PRRC2B: variants seen among roughly 807,000 people sequenced by gnomAD.
PRRC2B encodes proline rich coiled-coil 2B.
PRRC2B carries 68 observed loss-of-function variants against 242.3 expected under a neutral mutation model. That is an observed-to-expected ratio of 0.28 (90% CI 0.23 to 0.34). PRRC2B has a LOEUF of 0.34. Among genes scored for constraint, PRRC2B ranks in the 10% least tolerant of loss-of-function variants. PRRC2B has a pLI of 1.00. For missense variants in PRRC2B, 2,835 were observed against 2,954.8 expected (o/e 0.96, Z 0.94); for synonymous variants, 1,228 against 1,173.6 (o/e 1.05, Z -0.95).
intron 1 of PRRC2B, among the ~76,000 whole-genome samples, chr9:131,409,734 G>A (rs891719886): frequency 1.3e-5 from 2 of 152,132 alleles, no homozygotes; most frequent in Admixed American, 6.5e-5. Context: ...TCCTGGTATT[G>A]GGCCCCAGTG....
In PRRC2B at chr9:131,447,682, T is replaced by C. The variant is rs1233314290; in HGVS notation, c.998T>C (p.Leu333Ser). The C allele has an allele frequency of 1.2e-6, 2 of 1,606,466 alleles. No homozygotes were observed. The highest frequency in any genetic ancestry group is 2.2e-5 in the East Asian group (1 of 44,700). Reference sequence around the variant, plus strand: ...ATCAGAAAAGAAAACAGGCTGGGATTGTCTCGCCCACTCCGCCCACTAAGG... The same window carrying C: ...ATCAGAAAAGAAAACAGGCTGGGATCGTCTCGCCCACTCCGCCCACTAAGG... ...DQDGKENRLG[L>S]SRPLRPLRQL... The change falls in exon 9 of 32, where the codon TTG becomes TCG. Residue 333 changes from leucine to serine, a missense_variant. Leu to Ser is a moderately radical substitution (Grantham distance 145). This residue lies in a region of PRRC2B where 626 missense variants were observed against 685.5 expected (regional missense o/e 0.91). Transcript: ENST00000683519.
intron 1 of PRRC2B, among the ~76,000 whole-genome samples, chr9:131,423,879 G>A (rs1837913028): frequency 6.6e-6 from 1 of 152,048 alleles, no homozygotes; most frequent in African/African-American, 2.4e-5. Context: ...TAGGAAAATA[G>A]GATCCAATCC....
chr9:131,373,858 GA>G (rs1225335352), intron 1 of PRRC2B: 1 of 152,294 alleles, frequency 6.6e-6, no homozygotes, highest in African/African-American at 2.4e-5. Context: ...AGGAGATCGA[GA>G]CCATCCTGGC....
At chr9:131,375,302 G>A (rs1836669915) in intron 1 of PRRC2B, among the ~76,000 whole-genome samples, 1 of 152,112 alleles carries the variant, frequency 6.6e-6, no homozygotes, top group Non-Finnish European at 1.5e-5. Context: ...GGGAGGCTAA[G>A]GCAGGAGAAT....
intron 6 of PRRC2B, among the ~76,000 whole-genome samples, chr9:131,445,615 G>T (rs1482143921): frequency 6.6e-6 from 1 of 152,194 alleles, no homozygotes; most frequent in East Asian, 1.9e-4. Context: ...ACAGAGGGGT[G>T]ACCTTGGCTT....
chr9:131,468,937 T>C lies in PRRC2B; in HGVS notation c.1911+1184T>C, dbSNP rs373745835. 2.2e-4 allele frequency among the ~76,000 whole-genome samples: 33 copies of C among 152,278 alleles called. No individual in the cohort carries two copies. The East Asian group carries it at 5.4e-3, about 25-fold the overall frequency. On this transcript the variant is annotated intron_variant, in intron 13 of 31. Transcript: ENST00000683519. ...TACTCATGTTCTTGGGGTATAGAAT[T>C]ACTGATGGGGGAGAGCTCTGGAATT...
Position 131,446,350 on chromosome 9 carries a change from C to G in PRRC2B, c.614-51C>G, listed in dbSNP as rs775165956. 3.1e-6 allele frequency: 5 copies of G among 1,603,668 alleles called. No homozygotes were observed. Among genetic ancestry groups the G allele is most frequent in the Non-Finnish European group, 4.3e-6 (5 of 1,174,824 alleles). ...TGACCTTCAGAACCTCATACGATCC[C>G]TCCTTCCCCCTCCTCTTCCCTCTCC... On this transcript the variant is annotated intron_variant, in intron 6 of 31. Coordinates refer to ENST00000683519, the MANE Select transcript of PRRC2B (RefSeq NM_013318.4). This position sits in a 1 kb window ranked among gnomAD's most constrained non-coding sequence, Gnocchi z 4.1.
chr9:131,467,462 G>A, intron 12 of PRRC2B, 101 bp from the exon 13 acceptor site: 1 of 1,029,458 alleles, frequency 9.7e-7, no homozygotes, highest in South Asian at 1.6e-5. Context: ...TCTAGCAGTG[G>A]AGCGTACGGG....
intron 1 of PRRC2B, among the ~76,000 whole-genome samples, chr9:131,394,914 G>A (rs900101189): frequency 6.6e-6 from 1 of 151,380 alleles, no homozygotes; most frequent in Non-Finnish European, 1.5e-5. Flanking sequence ...TGCTAAAAAT[G>A]TTTAATAATA....
chr9:131,483,240 T>C (rs916048803), intron 22 of PRRC2B, 119 bp from the exon 23 acceptor site: 14 of 960,788 alleles, frequency 1.5e-5, no homozygotes, highest in Non-Finnish European at 2.1e-5. Flanking sequence ...GTGGCTCCAG[T>C]GAATGCTGCT....
chr9:131,483,561 T>C, intron 23 of PRRC2B, 116 bp downstream of exon 23: 1 of 883,296 alleles, frequency 1.1e-6, no homozygotes, highest in Non-Finnish European at 1.9e-6. Context: ...ACTCAGTTGC[T>C]AGCAGCTCCA....
chr9:131,475,767 G>C lies in PRRC2B; in HGVS notation c.3638G>C (p.Gly1213Ala), dbSNP rs950020400. The stretch of plus-strand genomic sequence containing the variant: ...CTCCCTCCCCGGCTGAGCAATTGCG[G>C]GTATGGACGGAGAACCTTCGTCTCC... ...RALPPRLSNC[G>A]YGRRTFVSKE... The change falls in exon 16 of 32, where the codon GGG (glycine) becomes GCG (alanine). Residue 1213 changes from glycine to alanine, a missense_variant. By Grantham distance (60) the Gly-to-Ala change is moderately conservative. Coordinates refer to ENST00000683519, the MANE Select transcript of PRRC2B (RefSeq NM_013318.4). The C allele has an allele frequency of 1.4e-5, 22 of 1,613,476 alleles. No individual in the cohort carries two copies. The highest frequency in any genetic ancestry group is 1.4e-5 in the Non-Finnish European group (17 of 1,179,756).
At chr9:131,455,573 G>A (rs1276343049) in intron 10 of PRRC2B, among the ~76,000 whole-genome samples, 1 of 148,682 alleles carries the variant, frequency 6.7e-6, no homozygotes, top group Non-Finnish European at 1.5e-5. Flanking sequence ...CTGGAGTGCG[G>A]TGGCATGATG....
At chr9:131,408,284 C>T (rs556696530) in intron 1 of PRRC2B, among the ~76,000 whole-genome samples, 41 of 152,288 alleles carry the variant, frequency 2.7e-4, no homozygotes, top group African/African-American at 8.7e-4. Flanking sequence ...GAAAAATGTG[C>T]TTTGCAGAGA....
intron 1 of PRRC2B, among the ~76,000 whole-genome samples, chr9:131,400,709 G>C (rs1412567144): frequency 1.3e-5 from 2 of 152,178 alleles, no homozygotes. Flanking sequence ...ACGGCACCCA[G>C]CAAGGCAGCC....
At chr9:131,469,390 G>A (rs1943479925) in intron 13 of PRRC2B, among the ~76,000 whole-genome samples, 9 of 152,162 alleles carry the variant, frequency 5.9e-5, no homozygotes, top group Admixed American at 5.9e-4. Flanking sequence ...CACCAGGGCA[G>A]CCTGTCTGGT....
chr9:131,429,719 A>G (rs1440957997), intron 1 of PRRC2B, among the ~76,000 whole-genome samples: 3 of 152,132 alleles, frequency 2.0e-5, no homozygotes, highest in African/African-American at 7.2e-5. Context: ...GTGTTAAAGT[A>G]CTGAGCATTT....
intron 1 of PRRC2B, among the ~76,000 whole-genome samples, chr9:131,400,928 A>G (rs1249196908): frequency 1.3e-5 from 2 of 150,742 alleles, no homozygotes; most frequent in African/African-American, 2.4e-5. Flanking sequence ...CCCCCCACCT[A>G]ACTTTGGCCT....
At chr9:131,388,455 G>T (rs1836854598) in intron 1 of PRRC2B, among the ~76,000 whole-genome samples, 1 of 149,584 alleles carries the variant, frequency 6.7e-6, no homozygotes, top group African/African-American at 2.4e-5. Context: ...GGTCAGGCTG[G>T]TCTTGAACTC....
Sources: gnomAD v4.1 joint callset for allele counts (sites outside exome capture counted in the v4.1 genomes callset) on GRCh38, gnomAD v4.1.1 for gene constraint, gnomAD v4.1.1 regional missense constraint, Gnocchi (gnomAD v3.1) non-coding constraint, MANE v1.5 for transcripts, NCBI Gene and HGNC (gene_info 2026-07-23, HGNC 2026-07-21) for gene names.